Variants in TPRG1 observed in about 807,000 individuals in gnomAD.
TPRG1 encodes tumor protein p63-regulated gene 1 protein.
In TPRG1, 29 loss-of-function variants were observed where a neutral mutation model predicts 29.3. The ratio of observed to expected loss-of-function variants is 0.99; its 90% CI spans 0.74 to 1.35. The LOEUF is 1.35. Among genes scored for constraint, TPRG1 ranks in the 40% most tolerant of loss-of-function variants. The pLI, the probability that TPRG1 is intolerant of heterozygous loss-of-function variation, is 0.00. For missense variants in TPRG1, 327 were observed against 335.0 expected (o/e 0.98, Z 0.19); for synonymous variants, 130 against 116.8 (o/e 1.11, Z -0.73).
intron 3 of TPRG1, among the ~76,000 whole-genome samples, chr3:189,133,271 G>A (rs1723311737): frequency 6.6e-6 from 1 of 152,218 alleles, no homozygotes; most frequent in Non-Finnish European, 1.5e-5. Context: ...GGGAGACAGG[G>A]AGAGAAGAAG....
At chr3:189,145,370 A>AAAAAAAAAAAAAAC (rs1725126402) in intron 3 of TPRG1, among the ~76,000 whole-genome samples, 1 of 151,576 alleles carries the variant, frequency 6.6e-6, no homozygotes, top group Non-Finnish European at 1.5e-5. Flanking sequence ...AAAAAAAAAA[A>AAAAAAAAAAAAAAC]AAACATGCCA....
intron 4 of TPRG1, among the ~76,000 whole-genome samples, chr3:189,083,786 C>A (rs1463893085): frequency 6.6e-6 from 1 of 152,190 alleles, no homozygotes; most frequent in Non-Finnish European, 1.5e-5. Context: ...GTTCAAAACC[C>A]ATTTTTGTCA....
intron 4 of TPRG1, among the ~76,000 whole-genome samples, chr3:189,068,726 A>C (rs1156271320): frequency 1.3e-5 from 2 of 151,218 alleles, no homozygotes; most frequent in African/African-American, 4.8e-5. Flanking sequence ...CGGTGAGCCG[A>C]GATTGTGCCA....
intron 1 of TPRG1, among the ~76,000 whole-genome samples, chr3:189,117,311 C>T (rs985627817): frequency 1.3e-5 from 2 of 152,156 alleles, no homozygotes; most frequent in African/African-American, 2.4e-5. Flanking sequence ...ACTGGAAGGA[C>T]GTGGGAAGAC....
At chr3:189,168,128 G>A (rs1728378759), upstream of TPRG1, among the ~76,000 whole-genome samples, 1 of 152,166 alleles carries the variant, frequency 6.6e-6, no homozygotes, top group South Asian at 2.1e-4. Context: ...AAACAAAACA[G>A]TTTAGGAAGC....
chr3:189,100,399 T>C (rs1018269348), intron 1 of TPRG1, among the ~76,000 whole-genome samples: 1 of 152,176 alleles, frequency 6.6e-6, no homozygotes, highest in African/African-American at 2.4e-5. Flanking sequence ...TCATCTCCAA[T>C]CTCACCTCCT....
intron 3 of TPRG1, among the ~76,000 whole-genome samples, chr3:189,218,720 TGAA>T (rs1238736429): frequency 6.6e-6 from 1 of 152,212 alleles, no homozygotes. Flanking sequence ...AGTGCCCAAA[TGAA>T]GAACATATAA....
intron 1 of TPRG1, among the ~76,000 whole-genome samples, chr3:189,180,768 A>T (rs147137718): frequency 2.6e-5 from 4 of 152,048 alleles, no homozygotes; most frequent in African/African-American, 9.6e-5. Context: ...GGTCTGGGGG[A>T]GTGACCATCT....
intron 1 of TPRG1, among the ~76,000 whole-genome samples, chr3:189,174,590 T>A (rs892802066): frequency 1.3e-5 from 2 of 152,154 alleles, no homozygotes; most frequent in Admixed American, 6.5e-5. Flanking sequence ...AGGCTACAGG[T>A]TAATGGCACC....
chr3:189,287,154 C>T (rs1435227027), intron 4 of TPRG1, among the ~76,000 whole-genome samples: 2 of 152,042 alleles, frequency 1.3e-5, no homozygotes, highest in Non-Finnish European at 2.9e-5. Context: ...TGTAGCCTCA[C>T]TCTGCATTTC....
chr3:189,169,953 G>A (rs181703755), upstream of TPRG1, among the ~76,000 whole-genome samples: 56 of 152,300 alleles, frequency 3.7e-4, no homozygotes, highest in African/African-American at 6.5e-4. Context: ...GCAGTATGGC[G>A]GAGCTCAGCA....
At chr3:189,184,782 T>C (rs1730694053) in intron 1 of TPRG1, among the ~76,000 whole-genome samples, 1 of 152,324 alleles carries the variant, frequency 6.6e-6, no homozygotes, top group African/African-American at 2.4e-5. Flanking sequence ...CCCTTGTGCT[T>C]CTGCCATCCC....
At chr3:189,174,829 C>G (rs1483472940) in intron 1 of TPRG1, among the ~76,000 whole-genome samples, 1 of 152,174 alleles carries the variant, frequency 6.6e-6, no homozygotes, top group East Asian at 1.9e-4. Flanking sequence ...ACAGTTGATA[C>G]TTGCAGGGTA....
rs368195264 is a variant in TPRG1 at position 189,295,496 on chromosome 3, C to CAAA, written c.480-14865_480-14863dup. ...ACTCTATTGGGTACTACTCAGATTG[C>CAAA]AAAAAAAAAAAAAAAAAAAAAAAAA... On this transcript the variant is annotated intron_variant, in intron 4 of 5. Transcript: ENST00000345063. Among the ~76,000 whole-genome samples, 85 of 85,522 alleles carry CAAA rather than the reference C, an allele frequency of 9.9e-4. 2 individuals carry two copies. The highest frequency in any genetic ancestry group is 3.4e-3 in the African/African-American group (70 of 20,356). The allele number at this position is 85,522 out of a possible 152,430, so 56.1% of individuals were successfully genotyped here.
At chr3:189,111,803 C>T (rs1560455240) in intron 1 of TPRG1, among the ~76,000 whole-genome samples, 1 of 152,106 alleles carries the variant, frequency 6.6e-6, no homozygotes, top group Non-Finnish European at 1.5e-5. Flanking sequence ...ACCTATGAAT[C>T]AAGTCTTGCC....
chr3:189,264,518 A>G (rs982689609), intron 4 of TPRG1, among the ~76,000 whole-genome samples: 3 of 149,524 alleles, frequency 2.0e-5, no homozygotes, highest in Admixed American at 2.0e-4. Flanking sequence ...ATCCACCTAT[A>G]CAGTTCATAT....
chr3:189,263,361 G>T (rs1234543899), intron 4 of TPRG1, among the ~76,000 whole-genome samples: 1 of 152,184 alleles, frequency 6.6e-6, no homozygotes, highest in Non-Finnish European at 1.5e-5. Flanking sequence ...AACAGAGAGA[G>T]CTTGGTGCCT....
chr3:189,085,485 TC>T (rs1279000739), intron 4 of TPRG1, among the ~76,000 whole-genome samples: 1 of 140,328 alleles, frequency 7.1e-6, no homozygotes, highest in Non-Finnish European at 1.5e-5. Flanking sequence ...ATTATGGAGT[TC>T]CAGTAGCTGA....
chr3:189,009,562 T>C (rs937466127), intron 3 of TPRG1, among the ~76,000 whole-genome samples: 1 of 152,082 alleles, frequency 6.6e-6, no homozygotes, highest in African/African-American at 2.4e-5. Flanking sequence ...TATATACATA[T>C]ACAGCACCTG....
Sources: allele counts gnomAD v4.1 joint callset (sites outside exome capture counted in the v4.1 genomes callset), GRCh38; gene constraint gnomAD v4.1.1; transcripts MANE v1.5; gene names NCBI Gene and HGNC (gene_info 2026-07-23, HGNC 2026-07-21).